LRFN5: variants seen among roughly 807,000 people sequenced by gnomAD.
LRFN5 encodes the protein leucine rich repeat and fibronectin type III domain containing 5, also known as leucine-rich repeat and fibronectin type-III domain-containing protein 5.
Under a neutral mutation model 45.6 loss-of-function variants are expected in LRFN5, and 24 were observed. That is an observed-to-expected ratio of 0.53 (90% CI 0.38 to 0.74). The LOEUF is 0.74. LRFN5 is among the 30% of genes least tolerant of loss of function. LRFN5 has a pLI of 0.00. For missense variants in LRFN5, 776 were observed against 861.5 expected (o/e 0.90, Z 1.24); for synonymous variants, 340 against 313.8 (o/e 1.08, Z -0.88).
At chr14:41,640,792 A>T (rs1406756822) in intron 1 of LRFN5, among the ~76,000 whole-genome samples, 1 of 152,048 alleles carries the variant, frequency 6.6e-6, no homozygotes, top group Admixed American at 6.6e-5. Flanking sequence ...TCTTTCTCGA[A>T]TTTTATTGCC....
intron 1 of LRFN5, among the ~76,000 whole-genome samples, chr14:41,734,443 AT>A (rs537797438): frequency 6.1e-4 from 90 of 147,854 alleles, no homozygotes; most frequent in African/African-American, 2.1e-3. Context: ...CTTAAAGTCT[AT>A]TTTATCTTAT....
intron 2 of LRFN5, among the ~76,000 whole-genome samples, chr14:41,850,292 G>C (rs1889220007): frequency 6.6e-6 from 1 of 151,898 alleles, no homozygotes; most frequent in South Asian, 2.1e-4. Context: ...TGACTAATGA[G>C]TGATTAATAA....
chr14:41,640,215 A>C (rs1180759661), intron 1 of LRFN5, among the ~76,000 whole-genome samples: 1 of 151,994 alleles, frequency 6.6e-6, no homozygotes. Flanking sequence ...CTGACATTCC[A>C]AATAAGCTTT....
At chr14:41,620,589 A>C (rs1183871598) in intron 1 of LRFN5, among the ~76,000 whole-genome samples, 3 of 152,016 alleles carry the variant, frequency 2.0e-5, no homozygotes, top group Admixed American at 6.6e-5. Flanking sequence ...TTTCCCACTG[A>C]TGTCTATCTG....
At chr14:41,858,113 C>T (rs539508951) in intron 2 of LRFN5, among the ~76,000 whole-genome samples, 7 of 152,144 alleles carry the variant, frequency 4.6e-5, no homozygotes, top group African/African-American at 1.7e-4. Flanking sequence ...CAAACATTAA[C>T]GTATGGAGCC....
intron 2 of LRFN5, among the ~76,000 whole-genome samples, chr14:41,799,955 G>A (rs1259835245): frequency 6.6e-6 from 1 of 151,654 alleles, no homozygotes; most frequent in Non-Finnish European, 1.5e-5. Flanking sequence ...AAAGGGAAAG[G>A]GAAAGAAAAA....
chr14:41,643,573 T>A (rs1879679058), intron 1 of LRFN5, among the ~76,000 whole-genome samples: 1 of 152,112 alleles, frequency 6.6e-6, no homozygotes. Context: ...TCTGGCTCTA[T>A]CTTCAGTAGC....
At chr14:41,858,770 CA>C (rs1293888553) in intron 2 of LRFN5, among the ~76,000 whole-genome samples, 4 of 151,898 alleles carry the variant, frequency 2.6e-5, no homozygotes, top group African/African-American at 7.3e-5. Context: ...CACCACTACA[CA>C]AAAAAAATCA....
chr14:41,672,075 G>A (rs966061560), intron 1 of LRFN5, among the ~76,000 whole-genome samples: 1 of 152,018 alleles, frequency 6.6e-6, no homozygotes, highest in Non-Finnish European at 1.5e-5. Context: ...GATTCTACTA[G>A]GTGCCTTAGG....
At chr14:41,772,589 C>A (rs1886129130) in intron 2 of LRFN5, among the ~76,000 whole-genome samples, 3 of 152,140 alleles carry the variant, frequency 2.0e-5, no homozygotes, top group African/African-American at 7.2e-5. Flanking sequence ...AACCCTCAGA[C>A]AATAAAAAAT....
chr14:41,688,861 C>T (rs1210215633), intron 1 of LRFN5, among the ~76,000 whole-genome samples: 1 of 147,944 alleles, frequency 6.8e-6, no homozygotes, highest in Non-Finnish European at 1.5e-5. Flanking sequence ...CTCTTGAGGC[C>T]AGCAGTTCAA....
At chr14:41,754,929 G>A (rs1217277280) in intron 1 of LRFN5, among the ~76,000 whole-genome samples, 1 of 151,976 alleles carries the variant, frequency 6.6e-6, no homozygotes, top group African/African-American at 2.4e-5. Context: ...TCTACACACT[G>A]CTTTGAATGT....
At chr14:41,660,146 C>T (rs1056054428) in intron 1 of LRFN5, among the ~76,000 whole-genome samples, 9 of 152,090 alleles carry the variant, frequency 5.9e-5, no homozygotes, top group African/African-American at 2.2e-4. Flanking sequence ...CTGCCCCAGC[C>T]TCCTGAGTAG....
Position 41,685,419 on chromosome 14 carries a change from C to G in LRFN5, c.-197+76857C>G, listed in dbSNP as rs374357724. On this transcript the variant is annotated intron_variant, in intron 1 of 5. Coordinates refer to ENST00000298119, the MANE Select transcript of LRFN5 (RefSeq NM_152447.5). ...ACCCACATGCCTATTACCAGACAAA[C>G]AGATAGAGAAAAATGTGTTGCTTTT... is the stretch of plus-strand genomic sequence containing the variant. Among the ~76,000 whole-genome samples, 11 of 152,036 alleles carry G rather than the reference C, an allele frequency of 7.2e-5. No homozygotes were observed. The East Asian group carries it at 1.7e-3, about 24-fold the overall frequency.
At position 41,630,779 on chromosome 14, in the gene LRFN5, C is replaced by G. The variant is rs375076872; in HGVS notation, c.-197+22217C>G. On this transcript the variant is annotated intron_variant, in intron 1 of 5. Transcript: ENST00000298119. ...GGTCACTTGTAAAGTCTTTTATATACGATTAGAAATTATATTTTCTTGAGA... is the reference window on the plus strand; with the variant it reads ...GGTCACTTGTAAAGTCTTTTATATAGGATTAGAAATTATATTTTCTTGAGA... Among the ~76,000 whole-genome samples the G allele has an allele frequency of 3.3e-5, 5 of 152,082 alleles. No homozygotes were observed. In the East Asian group the frequency reaches 9.6e-4, roughly 29 times the overall value.
intron 1 of LRFN5, among the ~76,000 whole-genome samples, chr14:41,661,669 G>T (rs1261679609): frequency 6.6e-6 from 1 of 152,016 alleles, no homozygotes; most frequent in Non-Finnish European, 1.5e-5. Context: ...ATCGTGTTAG[G>T]TGATGTGGAG....
chr14:41,824,071 G>GT (rs1222564958), intron 2 of LRFN5, among the ~76,000 whole-genome samples: 2 of 151,646 alleles, frequency 1.3e-5, no homozygotes, highest in African/African-American at 4.8e-5. Flanking sequence ...ATATTGAATT[G>GT]TTTTTTCTGA....
intron 1 of LRFN5, chr14:41,699,914 G>A (rs570663139): frequency 6.6e-6 from 1 of 152,242 alleles, no homozygotes; most frequent in African/African-American, 2.4e-5. Flanking sequence ...ACTGGTCGAG[G>A]AAAGTGTGTC....
At chr14:41,846,929 C>T (rs1027712185) in intron 2 of LRFN5, among the ~76,000 whole-genome samples, 6 of 152,036 alleles carry the variant, frequency 3.9e-5, no homozygotes, top group African/African-American at 7.2e-5. Flanking sequence ...AGTTGGGCCC[C>T]GTCCCCTCAT....
Sources: gnomAD v4.1 joint callset for allele counts (sites outside exome capture counted in the v4.1 genomes callset) on GRCh38, gnomAD v4.1.1 for gene constraint, MANE v1.5 for transcripts, NCBI Gene and HGNC (gene_info 2026-07-23, HGNC 2026-07-21) for gene names.